ZNF34: variants seen among roughly 807,000 people sequenced by gnomAD.
ZNF34 encodes the protein zinc finger protein 34.
In ZNF34, 8 loss-of-function variants were observed where a neutral mutation model predicts 14.4. The observed-to-expected ratio is 0.55, with a 90% CI of 0.33 to 1.00. The LOEUF (loss-of-function observed/expected upper bound fraction) is 1.00, where lower values mean the gene tolerates loss of function less well. Among genes scored for constraint, ZNF34 ranks in the 50% least tolerant of loss-of-function variants. The probability of loss-of-function intolerance (pLI) is 0.03; values close to 1 mark genes in which losing one functional copy is unlikely to be tolerated. For missense variants in ZNF34, 538 were observed against 674.2 expected, an observed-to-expected ratio of 0.80 and a Z score of 2.24; for synonymous variants, 235 against 247.9, an observed-to-expected ratio of 0.95 and a Z score of 0.49.
At position 144,773,434 on chromosome 8, in the gene ZNF34, G is replaced by GC; in HGVS notation, c.1451dup (p.Cys484TrpfsTer69). The GC allele has an allele frequency of 6.2e-7, 1 of 1,613,486 alleles. No individual in the cohort carries two copies. Among genetic ancestry groups the GC allele is most frequent in the Non-Finnish European group, 8.5e-7 (1 of 1,179,902 alleles). ...GGCTGAAGGCTTTCTTGCAATCGCT[G>GC]CATCTGTAGGGTTTCTCTCCGTGGT... is the stretch of plus-strand genomic sequence containing the variant. On this transcript the variant is annotated frameshift_variant, in exon 6 of 6. Transcript: ENST00000429371. LOFTEE classifies it low-confidence loss of function (END_TRUNC). This position sits in a 1 kb window ranked among gnomAD's most constrained non-coding sequence, Gnocchi z 5.4.
intron 1 of ZNF34, among the ~76,000 whole-genome samples, chr8:144,784,820 G>T (rs187848980): frequency 6.6e-6 from 1 of 151,694 alleles, no homozygotes; most frequent in African/African-American, 2.4e-5. Flanking sequence ...AAGATTGTTT[G>T]ATTCCATCAA....
rs1455188001 is a variant in ZNF34, at chr8:144,773,402, G to A, written c.1484C>T (p.Thr495Met). Residue 495 changes from threonine (T) to methionine (M), a missense_variant, in exon 6 of 6, where the codon ACG (threonine) becomes ATG (methionine). Physicochemically the swap from Thr to Met is moderately conservative, Grantham distance 81. This residue lies in a region of ZNF34 where 101 missense variants were observed against 123.1 expected (regional missense o/e 0.82). Transcript: ENST00000429371. This position sits in a 1 kb window ranked among gnomAD's most constrained non-coding sequence, Gnocchi z 5.4. ...GATCCTCCGGTGCTGAATCAAGTAC[G>A]TGCTCTGGCTGAAGGCTTTCTTGCA... is the stretch of plus-strand genomic sequence containing the variant. ...SDCKKAFSQSTYLIQHRRIHT... is the reference protein window; with the variant it reads ...SDCKKAFSQSMYLIQHRRIHT... 4.3e-6 allele frequency: 7 copies of A among 1,613,908 alleles called. No homozygotes were observed. The highest frequency in any genetic ancestry group is 5.9e-6 in the Non-Finnish European group (7 of 1,179,970).
Position 144,774,137 on chromosome 8 carries a change from C to T in ZNF34, c.749G>A (p.Arg250Gln), listed in dbSNP as rs746814537. Reference sequence around the variant, plus strand: ...GTAGGGCTTCTCTTCAGTGTGAAGCCGCTGATGCTTGACAAGGTTGGCACT... The same window carrying T: ...GTAGGGCTTCTCTTCAGTGTGAAGCTGCTGATGCTTGACAAGGTTGGCACT... The part of the protein sequence containing the change: ...RYSANLVKHQ[R>Q]LHTEEKPYKC... The change falls in exon 6 of 6, where the codon CGG becomes CAG. Residue 250 changes from arginine (R) to glutamine (Q), a missense_variant. By Grantham distance (43) the Arg-to-Gln change is conservative (BLOSUM62 1). This residue lies in a region of ZNF34 where 431 missense variants were observed against 525.7 expected (regional missense o/e 0.82). Transcript: ENST00000429371. 2.7e-5 allele frequency: 43 copies of T among 1,614,054 alleles called. 1 individual carries two copies. Among genetic ancestry groups the T allele is most frequent in the Middle Eastern group, 1.6e-4 (1 of 6,062 alleles).
chr8:144,773,214 G>T lies in ZNF34; in HGVS notation c.*52C>A. 1 of 1,531,792 alleles carries T rather than the reference G, an allele frequency of 6.5e-7. No homozygotes were observed. The highest frequency in any genetic ancestry group is 2.3e-5 in the East Asian group (1 of 43,822). 94.9% of individuals were successfully genotyped at this position (1,531,792 alleles called of 1,614,324 possible). A position where few individuals can be genotyped will look rare whatever the true frequency, so the allele number is the denominator to read the frequency against. Reference sequence around the variant, plus strand: ...TAAAGGGCAGAGTCAGGTGCCGGGGGCGCATGCAGGAAGTGCTCAGCTGGA... The same window carrying T: ...TAAAGGGCAGAGTCAGGTGCCGGGGTCGCATGCAGGAAGTGCTCAGCTGGA... On this transcript the variant is annotated 3_prime_UTR_variant, in exon 6 of 6. Transcript: ENST00000429371. This position sits in a 1 kb window ranked among gnomAD's most constrained non-coding sequence, Gnocchi z 5.4.
intron 1 of ZNF34, 35 bp from the exon 2 acceptor site, chr8:144,780,315 G>A (rs1825784810): frequency 2.0e-6 from 3 of 1,470,262 alleles, no homozygotes; most frequent in Admixed American, 2.0e-5. Context: ...CTAAGTATTA[G>A]TTAATATTAG....
intron 5 of ZNF34, among the ~76,000 whole-genome samples, chr8:144,776,952 T>A (rs923568139): frequency 6.8e-6 from 1 of 146,616 alleles, no homozygotes; most frequent in Admixed American, 6.9e-5. Flanking sequence ...TACATAACAG[T>A]GGAAAGGCCA....
intron 1 of ZNF34, among the ~76,000 whole-genome samples, chr8:144,782,614 G>A (rs1825958320): frequency 6.6e-6 from 1 of 151,892 alleles, no homozygotes; most frequent in Non-Finnish European, 1.5e-5. Context: ...AGGGCAGGTG[G>A]ATCTCTTGAG....
chr8:144,779,480 T>G lies in ZNF34; in HGVS notation c.-55+748A>C, dbSNP rs116004815. 0.024 allele frequency among the ~76,000 whole-genome samples: 3,663 copies of G among 152,246 alleles called. 137 individuals carry two copies. Among genetic ancestry groups the G allele is most frequent in the African/African-American group, 0.084 (3,506 of 41,520 alleles). ...CTTGGTGCCTTCACAGCCTCCATAC[T>G]AGCGTTGGCCCCCTGGACCCACCTT... On this transcript the variant is annotated intron_variant, in intron 2 of 5. Coordinates refer to ENST00000429371, the MANE Select transcript of ZNF34 (RefSeq NM_001286769.2). This position sits in a 1 kb window ranked among gnomAD's most constrained non-coding sequence, Gnocchi z 4.1.
intron 5 of ZNF34, among the ~76,000 whole-genome samples, chr8:144,776,311 C>CAAAA (rs767802287): frequency 8.5e-6 from 1 of 117,206 alleles, no homozygotes; most frequent in African/African-American, 3.1e-5. Flanking sequence ...GACTCTGTCT[C>CAAAA]AAAAAAAAAA....
At chr8:144,778,006 T>C in intron 4 of ZNF34, 32 bp downstream of exon 4, 1 of 1,611,878 alleles carries the variant, frequency 6.2e-7, no homozygotes, top group Non-Finnish European at 8.5e-7. Flanking sequence ...CCCAGGGCTG[T>C]TCCCAGAGCT....
intron 2 of ZNF34, among the ~76,000 whole-genome samples, 188 bp downstream of exon 2, chr8:144,780,040 A>AG (rs1217714899): frequency 6.6e-6 from 1 of 151,146 alleles, no homozygotes; most frequent in African/African-American, 2.4e-5. Flanking sequence ...AAAAAAAAAA[A>AG]AAAAAAATTA....
rs776018937 is a variant in ZNF34 at position 144,774,554 on chromosome 8, C to T, written c.332G>A (p.Gly111Asp). The part of the protein sequence containing the change: ...YKELTSQETF[G>D]EEDPQGSEPV... ...CTCAGATCCCTGGGGATCTTCCTCA[C>T]CAAATGTCTCCTGTGAAGTCAACTC... The change falls in exon 6 of 6, where the codon GGT becomes GAT. Residue 111 changes from glycine to aspartate, a missense_variant. This residue lies in a region of ZNF34 where 431 missense variants were observed against 525.7 expected (regional missense o/e 0.82). Transcript: ENST00000429371. 1 of 1,613,952 alleles carries T rather than the reference C, an allele frequency of 6.2e-7. No individual in the cohort carries two copies. The highest frequency in any genetic ancestry group is 1.1e-5 in the South Asian group (1 of 91,084).
rs1310314455 is a variant in ZNF34, at chr8:144,772,414, A to G, written c.*852T>C. 6.6e-6 allele frequency among the ~76,000 whole-genome samples: 1 copy of G among 152,248 alleles called. No individual in the cohort carries two copies. The highest frequency in any genetic ancestry group is 1.5e-5 in the Non-Finnish European group (1 of 68,046). On this transcript the variant is annotated 3_prime_UTR_variant, in exon 6 of 6. Transcript: ENST00000429371. ...GTGATGATGGTTACACAACACCATG[A>G]ATGTACTTAATGCCACTGAATTGTA... is the stretch of plus-strand genomic sequence containing the variant.
At chr8:144,785,725 C>G (rs962799636) in intron 1 of ZNF34, 1 of 152,156 alleles carries the variant, frequency 6.6e-6, no homozygotes, top group African/African-American at 2.4e-5. Flanking sequence ...CTGGCCCTAC[C>G]TGGTAGAACT....
rs192120694 is a variant in ZNF34 at position 144,774,012 on chromosome 8, C to T, written c.874G>A (p.Gly292Arg). The change falls in exon 6 of 6, where the codon GGG becomes AGG. Residue 292 changes from glycine (G) to arginine (R), a missense_variant. Transcript: ENST00000429371. ...GEIPYRCDECGKTFTRRPNLM... is the reference protein window; with the variant it reads ...GEIPYRCDECRKTFTRRPNLM... ...TTGGGCCTCCGGGTGAATGTCTTCC[C>T]ACACTCGTCACACCGGTAGGGAATC... 11 of 1,614,070 alleles carry T rather than the reference C, an allele frequency of 6.8e-6. No homozygotes were observed. In the East Asian group the frequency reaches 2.2e-4, roughly 33 times the overall value.
intron 3 of ZNF34, 39 bp downstream of exon 3, chr8:144,778,400 G>C: frequency 2.7e-6 from 4 of 1,488,474 alleles, no homozygotes; most frequent in Non-Finnish European, 3.6e-6. Flanking sequence ...GAAAGCCCTG[G>C]GTAAAAACTT....
rs1825708105 is a variant in ZNF34 at position 144,779,026 on chromosome 8, GC to G, written c.-54-502del. 6.6e-6 allele frequency among the ~76,000 whole-genome samples: 1 copy of G among 152,166 alleles called. No homozygotes were observed. The highest frequency in any genetic ancestry group is 2.4e-5 in the African/African-American group (1 of 41,436). The stretch of plus-strand genomic sequence containing the variant: ...GCTCTGTGCCAAAGGGGGGAAGGCT[GC>G]CCTGCCGCTCCATAATCTAAGCCAA... On this transcript the variant is annotated intron_variant, in intron 2 of 5. Transcript: ENST00000429371. The surrounding 1 kb of genome is among the most constrained non-coding windows in gnomAD (Gnocchi z 4.1).
chr8:144,775,675 T>G (rs1825466629), intron 5 of ZNF34, among the ~76,000 whole-genome samples: 2 of 152,074 alleles, frequency 1.3e-5, no homozygotes, highest in South Asian at 4.1e-4. Flanking sequence ...AAGACCCCTG[T>G]GGGGAGCAGT....
intron 5 of ZNF34, among the ~76,000 whole-genome samples, chr8:144,775,606 TGA>T (rs1355998112): frequency 6.6e-6 from 1 of 152,080 alleles, no homozygotes; most frequent in Non-Finnish European, 1.5e-5. Context: ...ATGCCCTGTG[TGA>T]GTCTACACAG....
Sources: gnomAD v4.1 joint callset for allele counts (sites outside exome capture counted in the v4.1 genomes callset) on GRCh38, gnomAD v4.1.1 for gene constraint, gnomAD v4.1.1 regional missense constraint, Gnocchi (gnomAD v3.1) non-coding constraint, MANE v1.5 for transcripts, NCBI Gene and HGNC (gene_info 2026-07-23, HGNC 2026-07-21) for gene names.